The following GULP1 variants were observed in gnomAD, a reference collection of about 807,000 sequenced individuals.
GULP1 encodes the protein GULP PTB domain containing engulfment adaptor 1.
Under a neutral mutation model 40.9 loss-of-function variants are expected in GULP1, and 19 were observed. The observed-to-expected ratio is 0.46, with a 90% CI of 0.32 to 0.68. The LOEUF is 0.68. GULP1 is among the 30% of genes least tolerant of loss of function. The pLI is 0.03. For missense variants in GULP1, 312 were observed against 362.2 expected (o/e 0.86, Z 1.12); for synonymous variants, 119 against 117.6 (o/e 1.01, Z -0.08).
At chr2:188,414,152 GGTAGCA>G (rs2054266552) in intron 2 of GULP1, among the ~76,000 whole-genome samples, 1 of 150,916 alleles carries the variant, frequency 6.6e-6, no homozygotes, top group Admixed American at 6.6e-5. Context: ...GGGAGGCAGA[GGTAGCA>G]GTGCGCTAAG....
intron 1 of GULP1, among the ~76,000 whole-genome samples, chr2:188,357,831 G>A (rs1199981182): frequency 6.6e-6 from 1 of 152,098 alleles, no homozygotes; most frequent in African/African-American, 2.4e-5. Flanking sequence ...AAACAGATGA[G>A]TGGATAAAGA....
intron 2 of GULP1, among the ~76,000 whole-genome samples, chr2:188,411,176 G>A (rs1302020516): frequency 1.3e-5 from 2 of 152,090 alleles, no homozygotes; most frequent in Non-Finnish European, 2.9e-5. Flanking sequence ...GTGAGTGCCC[G>A]GGACCCTCAG....
intron 2 of GULP1, among the ~76,000 whole-genome samples, chr2:188,434,044 G>A (rs1355472907): frequency 6.7e-6 from 1 of 150,310 alleles, no homozygotes; most frequent in Admixed American, 6.7e-5. Context: ...TTATGTCATT[G>A]TTTTTTTCAG....
chr2:188,411,022 C>G (rs1268984083), intron 2 of GULP1, among the ~76,000 whole-genome samples: 1 of 152,148 alleles, frequency 6.6e-6, no homozygotes, highest in Non-Finnish European at 1.5e-5. Context: ...TAATTGCTCT[C>G]TACTTGGGAG....
chr2:188,330,462 TGA>T (rs1286455455), intron 1 of GULP1, among the ~76,000 whole-genome samples: 2 of 152,172 alleles, frequency 1.3e-5, no homozygotes, highest in African/African-American at 2.4e-5. Context: ...ATTACAACTC[TGA>T]GAGGAGAACA....
At chr2:188,363,205 G>T (rs2046322994) in intron 1 of GULP1, among the ~76,000 whole-genome samples, 2 of 151,956 alleles carry the variant, frequency 1.3e-5, no homozygotes, top group African/African-American at 4.8e-5. Context: ...AACTGCCTTT[G>T]GTAACTTTGA....
At chr2:188,427,762 A>G (rs1453014939) in intron 2 of GULP1, among the ~76,000 whole-genome samples, 18 of 152,242 alleles carry the variant, frequency 1.2e-4, no homozygotes, top group Admixed American at 1.2e-3. Context: ...ACCCTCATGG[A>G]GAACCTCTAC....
intron 4 of GULP1, among the ~76,000 whole-genome samples, chr2:188,489,991 A>G (rs1225759404): frequency 6.6e-6 from 1 of 152,122 alleles, no homozygotes. Flanking sequence ...ATTACAAACT[A>G]TAATTCTACA....
intron 4 of GULP1, among the ~76,000 whole-genome samples, chr2:188,510,578 A>T (rs1489030922): frequency 6.6e-6 from 1 of 152,088 alleles, no homozygotes; most frequent in East Asian, 1.9e-4. Context: ...TTATAAAGCA[A>T]CTAAGAATAT....
At chr2:188,363,087 CTACT>C (rs775429404) in intron 1 of GULP1, among the ~76,000 whole-genome samples, 21 of 152,188 alleles carry the variant, frequency 1.4e-4, no homozygotes, top group Non-Finnish European at 2.6e-4. Context: ...TGAAAAATGA[CTACT>C]TAATCTTTAT....
At chr2:188,581,338 C>A (rs1701278214) in intron 9 of GULP1, among the ~76,000 whole-genome samples, 1 of 152,212 alleles carries the variant, frequency 6.6e-6, no homozygotes, top group African/African-American at 2.4e-5. Context: ...GACAAAGCCT[C>A]ACTTCTGCAG....
At chr2:188,484,992 C>T (rs933968747) in intron 4 of GULP1, among the ~76,000 whole-genome samples, 5 of 151,944 alleles carry the variant, frequency 3.3e-5, no homozygotes, top group Non-Finnish European at 5.9e-5. Flanking sequence ...CCATCATTTC[C>T]ACAGATATTG....
At chr2:188,521,786 A>G (rs1380823222) in intron 4 of GULP1, among the ~76,000 whole-genome samples, 1 of 152,170 alleles carries the variant, frequency 6.6e-6, no homozygotes, top group Non-Finnish European at 1.5e-5. Context: ...TATTTAAAAC[A>G]GTAAAATTGG....
chr2:188,574,953 T>G (rs1383313438), intron 9 of GULP1, among the ~76,000 whole-genome samples: 1 of 152,228 alleles, frequency 6.6e-6, no homozygotes, highest in East Asian at 1.9e-4. Flanking sequence ...TCTACTTTCC[T>G]CAGAGACACT....
chr2:188,407,924 AC>A (rs1171253992), intron 2 of GULP1, among the ~76,000 whole-genome samples: 1 of 152,222 alleles, frequency 6.6e-6, no homozygotes, highest in African/African-American at 2.4e-5. Context: ...AAGTACACAC[AC>A]AGATTAAAAG....
intron 4 of GULP1, among the ~76,000 whole-genome samples, chr2:188,516,286 C>A (rs887781702): frequency 6.6e-6 from 1 of 152,136 alleles, no homozygotes; most frequent in Non-Finnish European, 1.5e-5. Flanking sequence ...TCAAAATTAT[C>A]ATTTCCCTCA....
At chr2:188,421,757 T>C (rs568708545) in intron 2 of GULP1, among the ~76,000 whole-genome samples, 4 of 152,150 alleles carry the variant, frequency 2.6e-5, no homozygotes, top group Non-Finnish European at 4.4e-5. Context: ...AATGCCTGCT[T>C]AATTTGGAAA....
At chr2:188,427,918 C>A (rs991682565) in intron 2 of GULP1, among the ~76,000 whole-genome samples, 3 of 152,230 alleles carry the variant, frequency 2.0e-5, no homozygotes, top group Non-Finnish European at 2.9e-5. Context: ...TCTGGAAAAG[C>A]TGCAAGCACT....
intron 6 of GULP1, among the ~76,000 whole-genome samples, chr2:188,538,251 A>G (rs904878813): frequency 2.6e-5 from 4 of 151,914 alleles, no homozygotes; most frequent in African/African-American, 4.8e-5. Context: ...TTGTTCTTCT[A>G]GTTCCTCTAG....
Sources: gnomAD v4.1 joint callset for allele counts (sites outside exome capture counted in the v4.1 genomes callset) on GRCh38, gnomAD v4.1.1 for gene constraint, MANE v1.5 for transcripts, NCBI Gene and HGNC (gene_info 2026-07-23, HGNC 2026-07-21) for gene names.